SENP5: variants seen among roughly 807,000 people sequenced by gnomAD.
The protein encoded by SENP5 is sentrin-specific protease 5.
Under a neutral mutation model 74.2 loss-of-function variants are expected in SENP5, and 21 were observed. That is an observed-to-expected ratio of 0.28 (90% confidence interval 0.20 to 0.41). SENP5 has a LOEUF of 0.41. Ranked by LOEUF, SENP5 falls within the 10% of genes least tolerant of loss-of-function variation. The pLI is 1.00. For missense variants in SENP5, 717 were observed against 889.1 expected (o/e 0.81, Z 2.46); for synonymous variants, 311 against 312.7 (o/e 0.99, Z 0.06).
chr3:196,912,932 CAG>C (rs548299353), intron 6 of SENP5: 72 of 152,156 alleles, frequency 4.7e-4, no homozygotes, highest in Admixed American at 4.1e-3. Flanking sequence ...GAAACAAAAA[CAG>C]AAAGGAATAT....
chr3:196,895,433 G>A (rs975663499), intron 2 of SENP5, among the ~76,000 whole-genome samples: 65 of 151,876 alleles, frequency 4.3e-4, no homozygotes, highest in African/African-American at 1.4e-3. Context: ...TGATCCACCC[G>A]CTTCGGCTTC....
intron 5 of SENP5, 124 bp downstream of exon 5, chr3:196,900,536 A>AT (rs1714653757): frequency 4.2e-6 from 3 of 708,116 alleles, no homozygotes; most frequent in Admixed American, 3.2e-5. Context: ...GAAGAGTTCA[A>AT]TTTTTTCTTG....
chr3:196,911,872 A>G (rs1320050892), intron 6 of SENP5, among the ~76,000 whole-genome samples: 1 of 152,224 alleles, frequency 6.6e-6, no homozygotes, highest in African/African-American at 2.4e-5. Context: ...TCAAAACCAC[A>G]ATGAGATACC....
chr3:196,885,249 C>T lies in SENP5; in HGVS notation c.68C>T (p.Thr23Ile), dbSNP rs1423084281. 6.2e-7 allele frequency: 1 copy of T among 1,614,022 alleles called. No individual in the cohort carries two copies. The highest frequency in any genetic ancestry group is 8.5e-7 in the Non-Finnish European group (1 of 1,180,004). The change falls in exon 2 of 10, where the codon ACT becomes ATT. Residue 23 changes from threonine (T) to isoleucine (I), a missense_variant. Physicochemically the swap from Thr to Ile is moderately conservative, Grantham distance 89. This residue lies in a region of SENP5 where 567 missense variants were observed against 577.4 expected (regional missense o/e 0.98). Transcript: ENST00000323460. ...TTAGCCTTTTCTGAGAAATGGAATA[C>T]TGGGTTTGGAGGCTTTAAGAAGTTT... ...IHLAFSEKWN[T>I]GFGGFKKFYF...
intron 2 of SENP5, among the ~76,000 whole-genome samples, chr3:196,899,464 C>T (rs1161860474): frequency 2.0e-5 from 3 of 152,110 alleles, no homozygotes; most frequent in Non-Finnish European, 2.9e-5. Context: ...GTATGTCTCT[C>T]TAGATTGCAT....
intron 1 of SENP5, 87 bp downstream of exon 1, chr3:196,868,160 C>T (rs1010478942): frequency 6.6e-5 from 10 of 152,290 alleles, no homozygotes; most frequent in African/African-American, 2.2e-4. Context: ...GGTGCGCCAC[C>T]TCAGCGCCCG....
At chr3:196,868,103 G>A (rs1188133092) in intron 1 of SENP5, 30 bp downstream of exon 1, 2 of 152,316 alleles carry the variant, frequency 1.3e-5, no homozygotes, top group Admixed American at 1.3e-4. Context: ...GACGAGTGAC[G>A]GACTCAGCGA....
chr3:196,905,329 G>A (rs139765913), intron 6 of SENP5: 3 of 152,356 alleles, frequency 2.0e-5, no homozygotes, highest in African/African-American at 7.2e-5. Flanking sequence ...CAGTTCTGCA[G>A]CGACCACTGG....
intron 6 of SENP5, among the ~76,000 whole-genome samples, chr3:196,915,054 C>A (rs1715315560): frequency 6.6e-6 from 1 of 152,220 alleles, no homozygotes; most frequent in African/African-American, 2.4e-5. Context: ...TAGCCCCAGC[C>A]AGAGGAGAAT....
Position 196,885,584 on chromosome 3 carries a change from A to C in SENP5, c.403A>C (p.Asn135His). 1 of 1,614,132 alleles carries C rather than the reference A, an allele frequency of 6.2e-7. No homozygotes were observed. The highest frequency in any genetic ancestry group is 1.1e-5 in the South Asian group (1 of 91,084). The change falls in exon 2 of 10, where the codon AAT becomes CAT. Residue 135 changes from asparagine to histidine, a missense_variant. Physicochemically the swap from Asn to His is moderately conservative, Grantham distance 68. Around this residue, in one of 4 missense-constraint regions of SENP5, gnomAD observed 567 missense variants for 577.4 expected, o/e 0.98. Coordinates refer to ENST00000323460, the MANE Select transcript of SENP5 (RefSeq NM_152699.5). The stretch of plus-strand genomic sequence containing the variant: ...TGACCATGAATACTGCAGAGAGAAA[A>C]ATCTCTTGAAGGCAGTTACTGACTT... ...NSDHEYCREK[N>H]LLKAVTDFPS...
chr3:196,900,698 GTC>G (rs1285569501), intron 5 of SENP5, among the ~76,000 whole-genome samples: 1 of 152,070 alleles, frequency 6.6e-6, no homozygotes, highest in African/African-American at 2.4e-5. Context: ...CGATTCTCCT[GTC>G]TCAGCCTCCC....
chr3:196,933,261 C>T lies in SENP5; in HGVS notation c.*2338C>T, dbSNP rs1203559618. ...GAACTCCTGACCTCAAGTGATCTGC[C>T]CGCCTGGGCCTCCCAAAGTGCTGGG... On this transcript the variant is annotated 3_prime_UTR_variant, in exon 10 of 10. Coordinates refer to ENST00000323460, the MANE Select transcript of SENP5 (RefSeq NM_152699.5). The T allele has an allele frequency of 2.0e-5, 3 of 152,004 alleles. No homozygotes were observed. The highest frequency in any genetic ancestry group is 7.2e-5 in the African/African-American group (3 of 41,382). The allele number at this position is 152,004 out of a possible 1,614,324, so 9.4% of individuals were successfully genotyped here. A position where few individuals can be genotyped will look rare whatever the true frequency, so the allele number is the denominator to read the frequency against.
At chr3:196,899,857 A>T in intron 3 of SENP5, 67 bp from the exon 4 acceptor site, 1 of 1,580,528 alleles carries the variant, frequency 6.3e-7, no homozygotes, top group Non-Finnish European at 8.6e-7. Context: ...AAGAAAAGAT[A>T]TTTAGCAGTA....
At chr3:196,916,449 GA>G (rs1715380599) in intron 6 of SENP5, among the ~76,000 whole-genome samples, 1 of 152,014 alleles carries the variant, frequency 6.6e-6, no homozygotes, top group Non-Finnish European at 1.5e-5. Flanking sequence ...TAGCTGTTTT[GA>G]GGAAGCCCAG....
chr3:196,917,778 A>G (rs1026492703), intron 6 of SENP5, among the ~76,000 whole-genome samples: 1 of 152,230 alleles, frequency 6.6e-6, no homozygotes, highest in Non-Finnish European at 1.5e-5. Flanking sequence ...GATTTTGTCA[A>G]TATCAGACCT....
chr3:196,892,841 A>G (rs1714271423), intron 2 of SENP5, among the ~76,000 whole-genome samples: 1 of 152,166 alleles, frequency 6.6e-6, no homozygotes, highest in African/African-American at 2.4e-5. Flanking sequence ...TTCACATATT[A>G]TGCTCCAGAT....
chr3:196,880,370 T>C (rs559682500), intron 1 of SENP5, among the ~76,000 whole-genome samples: 1 of 152,346 alleles, frequency 6.6e-6, no homozygotes, highest in African/African-American at 2.4e-5. Flanking sequence ...TGTGCACCAC[T>C]GTACCTGGCC....
At chr3:196,904,717 A>T (rs1219639929) in intron 6 of SENP5, among the ~76,000 whole-genome samples, 1 of 152,044 alleles carries the variant, frequency 6.6e-6, no homozygotes, top group African/African-American at 2.4e-5. Context: ...TGAACATGGG[A>T]GGTGGAGGTT....
chr3:196,886,535 A>G lies in SENP5; in HGVS notation c.1354A>G (p.Ile452Val), dbSNP rs888004384. The change falls in exon 2 of 10, where the codon ATT becomes GTT. Residue 452 changes from isoleucine to valine, a missense_variant. Transcript: ENST00000323460. The stretch of plus-strand genomic sequence containing the variant: ...GGAGGATGGATCTCTCAAGCAGAGC[A>G]TTCTTAGTTCTGAGTTGCTGGACCA... ...MEEDGSLKQS[I>V]LSSELLDHPY... 4 of 1,613,720 alleles carry G rather than the reference A, an allele frequency of 2.5e-6. No homozygotes were observed. In the African/African-American group the frequency reaches 4.0e-5, roughly 16 times the overall value.
Sources: allele counts gnomAD v4.1 joint callset (sites outside exome capture counted in the v4.1 genomes callset), GRCh38; gene constraint gnomAD v4.1.1; regional missense constraint gnomAD v4.1.1; transcripts MANE v1.5; gene names NCBI Gene and HGNC (gene_info 2026-07-23, HGNC 2026-07-21).